Variants in FAM227B observed in about 807,000 individuals in gnomAD.
FAM227B encodes the protein protein FAM227B.
FAM227B carries 88 observed loss-of-function variants against 73.8 expected under a neutral mutation model. The ratio of observed to expected loss-of-function variants is 1.19; its 90% confidence interval spans 1.00 to 1.42. The LOEUF (loss-of-function observed/expected upper bound fraction) is 1.42. FAM227B is among the 40% of genes most tolerant of loss of function. FAM227B has a pLI of 0.00. For synonymous variants in FAM227B, 210 were observed against 190.5 expected (o/e 1.10, Z -0.84); for missense variants, 632 against 590.9 (o/e 1.07, Z -0.72).
At chr15:49,484,104 G>A (rs1317831119) in intron 11 of FAM227B, among the ~76,000 whole-genome samples, 1 of 151,894 alleles carries the variant, frequency 6.6e-6, no homozygotes, top group East Asian at 1.9e-4. Flanking sequence ...ATTATGTGGT[G>A]TTTTTATTTC....
chr15:49,550,048 C>T (rs531529991), intron 9 of FAM227B, among the ~76,000 whole-genome samples: 15 of 133,366 alleles, frequency 1.1e-4, no homozygotes, highest in African/African-American at 3.6e-4. Context: ...GGGCGGCTGG[C>T]CGGGCTGGGG....
chr15:49,615,248 G>T lies in FAM227B; in HGVS notation c.-72-5C>A. ...AATGTGAGTTGGGCGACCAAACTGG[G>T]GTATGAAAGACACCCAAATGCAAAA... On this transcript the variant is annotated splice_polypyrimidine_tract_variant and splice_region_variant and intron_variant, in intron 1 of 15. Transcript: ENST00000299338. The T allele has an allele frequency of 2.4e-6, 3 of 1,254,150 alleles. No homozygotes were observed. The highest frequency in any genetic ancestry group is 2.4e-5 in the South Asian group (2 of 83,848). 77.7% of individuals were successfully genotyped at this position (1,254,150 alleles called of 1,614,324 possible).
chr15:49,553,818 C>A (rs2073331071), intron 9 of FAM227B, among the ~76,000 whole-genome samples: 1 of 152,172 alleles, frequency 6.6e-6, no homozygotes, highest in Non-Finnish European at 1.5e-5. Flanking sequence ...TGGCCCAGGG[C>A]AGGTCCAGAA....
At chr15:49,580,181 C>A (rs971885397) in intron 5 of FAM227B, among the ~76,000 whole-genome samples, 1 of 152,054 alleles carries the variant, frequency 6.6e-6, no homozygotes, top group African/African-American at 2.4e-5. Flanking sequence ...TATAATTTAC[C>A]TATAGCCCAT....
chr15:49,578,937 G>A (rs568076030), intron 5 of FAM227B, among the ~76,000 whole-genome samples: 1 of 152,168 alleles, frequency 6.6e-6, no homozygotes, highest in South Asian at 2.1e-4. Context: ...GAATATATTA[G>A]TATTTAAGCC....
intron 11 of FAM227B, among the ~76,000 whole-genome samples, chr15:49,499,971 C>A (rs1358484203): frequency 6.6e-6 from 1 of 151,998 alleles, no homozygotes; most frequent in African/African-American, 2.4e-5. Context: ...GCAAAAAGCA[C>A]AAACTATATT....
chr15:49,494,018 T>C (rs971781424), intron 11 of FAM227B, among the ~76,000 whole-genome samples: 2 of 151,740 alleles, frequency 1.3e-5, no homozygotes, highest in African/African-American at 4.8e-5. Context: ...TTTATGAGGA[T>C]CAGATTTGGA....
At chr15:49,332,069 G>C (rs546258428) in intron 14 of FAM227B, among the ~76,000 whole-genome samples, 3 of 145,724 alleles carry the variant, frequency 2.1e-5, no homozygotes, top group African/African-American at 5.1e-5. Context: ...ACCCACCCCC[G>C]CTGCATGTGC....
intron 11 of FAM227B, among the ~76,000 whole-genome samples, chr15:49,390,310 G>C (rs1372051593): frequency 6.6e-6 from 1 of 151,968 alleles, no homozygotes. Context: ...CACACAGTGT[G>C]AGTGAAAAAT....
At chr15:49,355,985 A>C in intron 13 of FAM227B, among the ~76,000 whole-genome samples, 1 of 151,762 alleles carries the variant, frequency 6.6e-6, no homozygotes, top group Non-Finnish European at 1.5e-5. Flanking sequence ...ATATCCAGCC[A>C]AACTAAGCTT....
Position 49,472,010 on chromosome 15 carries a change from C to A in FAM227B, c.1012+36201G>T, listed in dbSNP as rs1453936630. ...TTTTTCTTCTAGTTTTATCTCATGA[C>A]TTTAGAAGTGAAAAAAAAAAAAAAG... On this transcript the variant is annotated intron_variant, in intron 11 of 15. Coordinates refer to ENST00000299338, the MANE Select transcript of FAM227B (RefSeq NM_152647.3). 1.9e-4 allele frequency among the ~76,000 whole-genome samples: 12 copies of A among 64,160 alleles called. No individual in the cohort carries two copies. In the Admixed American group the frequency reaches 2.6e-3, roughly 14 times the overall value. The allele number at this position is 64,160 out of a possible 152,430, so 42.1% of individuals were successfully genotyped here. A position where few individuals can be genotyped will look rare whatever the true frequency, so the allele number is the denominator to read the frequency against.
At chr15:49,584,934 C>T (rs1046278268) in intron 5 of FAM227B, among the ~76,000 whole-genome samples, 8 of 151,968 alleles carry the variant, frequency 5.3e-5, no homozygotes, top group Admixed American at 3.9e-4. Flanking sequence ...ATTTTTGCAA[C>T]CTACTCATCT....
At chr15:49,475,799 C>T (rs2055209917) in intron 11 of FAM227B, among the ~76,000 whole-genome samples, 1 of 151,984 alleles carries the variant, frequency 6.6e-6, no homozygotes, top group South Asian at 2.1e-4. Context: ...ACCAGCCTGG[C>T]CAACATGGCA....
intron 11 of FAM227B, among the ~76,000 whole-genome samples, chr15:49,480,568 GC>G (rs1188571842): frequency 2.8e-5 from 4 of 141,078 alleles, no homozygotes; most frequent in African/African-American, 5.3e-5. Context: ...TGCAGCCTCC[GC>G]CTTCTGGGTT....
At chr15:49,586,576 A>T (rs1282471911) in intron 5 of FAM227B, among the ~76,000 whole-genome samples, 1 of 152,220 alleles carries the variant, frequency 6.6e-6, no homozygotes, top group South Asian at 2.1e-4. Context: ...GCATAGCAAA[A>T]TAAACTACCA....
At chr15:49,390,178 A>G (rs541773590) in intron 11 of FAM227B, among the ~76,000 whole-genome samples, 1 of 152,098 alleles carries the variant, frequency 6.6e-6, no homozygotes, top group African/African-American at 2.4e-5. Context: ...TTTAAGAACC[A>G]CTATACGGGC....
intron 13 of FAM227B, among the ~76,000 whole-genome samples, chr15:49,346,340 T>C (rs778872388): frequency 4.3e-4 from 66 of 152,302 alleles, no homozygotes; most frequent in Middle Eastern, 6.8e-3. Context: ...TCCTACAAAA[T>C]GCTATGAAGC....
chr15:49,471,693 CTCATG>C (rs1197311886), intron 11 of FAM227B, among the ~76,000 whole-genome samples: 1 of 151,968 alleles, frequency 6.6e-6, no homozygotes, highest in Non-Finnish European at 1.5e-5. Context: ...ACAACAGCAT[CTCATG>C]CTTTATGTAA....
chr15:49,473,565 C>A (rs12440323), intron 11 of FAM227B, among the ~76,000 whole-genome samples: 1 of 151,868 alleles, frequency 6.6e-6, no homozygotes, highest in Non-Finnish European at 1.5e-5. Context: ...AATATTGTGA[C>A]AATCATATTG....
Sources: allele counts gnomAD v4.1 joint callset (sites outside exome capture counted in the v4.1 genomes callset), GRCh38; gene constraint gnomAD v4.1.1; transcripts MANE v1.5; gene names NCBI Gene and HGNC (gene_info 2026-07-23, HGNC 2026-07-21).